The following POLR3H variants were observed in gnomAD, a reference collection of about 807,000 sequenced individuals.
POLR3H encodes RNA polymerase III subunit H, also known as DNA-directed RNA polymerase III subunit RPC8.
Under a neutral mutation model 25.5 loss-of-function variants are expected in POLR3H, and 17 were observed. The observed-to-expected ratio is 0.67, with a 90% CI of 0.46 to 1.00. The LOEUF (loss-of-function observed/expected upper bound fraction) is 1.00. POLR3H is among the 50% of genes least tolerant of loss of function. The pLI is 0.00. For synonymous variants in POLR3H, 129 were observed against 103.0 expected (o/e 1.25, Z -1.53); for missense variants, 274 against 265.0 (o/e 1.03, Z -0.24).
chr22:41,527,825 G>A lies in POLR3H; in HGVS notation c.*1458C>T. 9.9e-6 allele frequency: 16 copies of A among 1,608,442 alleles called. No homozygotes were observed. The highest frequency in any genetic ancestry group is 1.7e-4 in the Middle Eastern group (1 of 6,040). ...AGCAGGATTAGGGGCATCTCCCAGA[G>A]CCCCAGATGGGTTCAGAAAATGAAG... On this transcript the variant is annotated 3_prime_UTR_variant, in exon 6 of 6. Transcript: ENST00000355209.
Position 41,540,758 on chromosome 22 carries a change from TCAAA to T in POLR3H, c.145_148del (p.Phe49IlefsTer32), listed in dbSNP as rs760837242. On this transcript the variant is annotated frameshift_variant, in exon 2 of 6. Transcript: ENST00000355209. LOFTEE classifies it high-confidence loss of function. ...ATAGGCATCCTCCAGTTTGGTGATATCAAACAGACAAATGCAGAGTCCCACGTTG... is the reference window on the plus strand; with the variant it reads ...ATAGGCATCCTCCAGTTTGGTGATATCAGACAAATGCAGAGTCCCACGTTG... The T allele has an allele frequency of 1.9e-6, 3 of 1,613,990 alleles. No homozygotes were observed. The highest frequency in any genetic ancestry group is 1.7e-6 in the Non-Finnish European group (2 of 1,179,994).
chr22:41,541,238 G>C (rs1369500118), intron 1 of POLR3H, among the ~76,000 whole-genome samples: 2 of 152,204 alleles, frequency 1.3e-5, no homozygotes, highest in Admixed American at 6.5e-5. Context: ...TGACAGGAAT[G>C]CTGCCTAAAC....
intron 1 of POLR3H, among the ~76,000 whole-genome samples, chr22:41,543,468 A>T (rs951399264): frequency 2.0e-5 from 3 of 152,020 alleles, no homozygotes; most frequent in African/African-American, 7.2e-5. Context: ...AAATACAAAA[A>T]TTAGCTGGGG....
At position 41,527,273 on chromosome 22, in the gene POLR3H, C is replaced by G; in HGVS notation, c.*2010G>C. ...CCTCCTCTGCCTTATAACCTTACCC[C>G]CGCTTGCCTGACAGAAACATGGCAT... On this transcript the variant is annotated 3_prime_UTR_variant, in exon 6 of 6. Transcript: ENST00000355209. 6.2e-7 allele frequency: 1 copy of G among 1,614,164 alleles called. No homozygotes were observed. The highest frequency in any genetic ancestry group is 1.1e-5 in the South Asian group (1 of 91,088).
chr22:41,529,250 C>A lies in POLR3H; in HGVS notation c.*33G>T. Reference sequence around the variant, plus strand: ...CACAGCCGGCCATACCACCTTCCCGCAGGCTGGTAGGGTCCACTGTCCAGC... The same window carrying A: ...CACAGCCGGCCATACCACCTTCCCGAAGGCTGGTAGGGTCCACTGTCCAGC... On this transcript the variant is annotated 3_prime_UTR_variant, in exon 6 of 6. Transcript: ENST00000355209. 6.3e-7 allele frequency: 1 copy of A among 1,594,284 alleles called. No homozygotes were observed. Among genetic ancestry groups the A allele is most frequent in the Non-Finnish European group, 8.6e-7 (1 of 1,165,362 alleles).
At chr22:41,533,648 C>G (rs28541706) in intron 2 of POLR3H, 1 of 1,304,002 alleles carries the variant, frequency 7.7e-7, no homozygotes, top group Non-Finnish European at 1.0e-6. Context: ...ACCCTGGCAT[C>G]AGCAGGGCAT....
chr22:41,527,672 T>C lies in POLR3H; in HGVS notation c.*1611A>G. The C allele has an allele frequency of 1.3e-6, 1 of 796,328 alleles. No individual in the cohort carries two copies. Among genetic ancestry groups the C allele is most frequent in the South Asian group, 1.8e-5 (1 of 54,652 alleles). 49.3% of individuals were successfully genotyped at this position (796,328 alleles called of 1,614,324 possible). A position where few individuals can be genotyped will look rare whatever the true frequency, so the allele number is the denominator to read the frequency against. On this transcript the variant is annotated 3_prime_UTR_variant, in exon 6 of 6. Coordinates refer to ENST00000355209, the MANE Select transcript of POLR3H (RefSeq NM_001018050.4). ...TCTAGGACATGTGCCAGGGGGTTCT[T>C]TCTGATCATGAATGTGCAGCAGGAA...
chr22:41,535,162 A>C (rs2066821222), intron 2 of POLR3H, among the ~76,000 whole-genome samples: 1 of 152,234 alleles, frequency 6.6e-6, no homozygotes, highest in Non-Finnish European at 1.5e-5. Context: ...TTCTTCCACC[A>C]GGAACTATAT....
At chr22:41,529,956 C>T (rs185702748) in intron 5 of POLR3H, among the ~76,000 whole-genome samples, 37 of 152,002 alleles carry the variant, frequency 2.4e-4, no homozygotes, top group African/African-American at 4.6e-4. Flanking sequence ...GGGGTTTCAC[C>T]GTGTTAGCCA....
chr22:41,528,147 T>C lies in POLR3H; in HGVS notation c.*1136A>G. ...TTCCAGCTGGAAAGGCCCCCAGTTC[T>C]CCAGGTGGCCCCACAGAGAAAGCAA... On this transcript the variant is annotated 3_prime_UTR_variant, in exon 6 of 6. Transcript: ENST00000355209. 7.0e-7 allele frequency: 1 copy of C among 1,430,658 alleles called. No individual in the cohort carries two copies. Among genetic ancestry groups the C allele is most frequent in the Admixed American group, 2.1e-5 (1 of 47,472 alleles). 88.6% of individuals were successfully genotyped at this position (1,430,658 alleles called of 1,614,324 possible).
At chr22:41,530,627 C>T in intron 5 of POLR3H, 60 bp downstream of exon 5, 3 of 1,480,518 alleles carry the variant, frequency 2.0e-6, no homozygotes, top group Admixed American at 1.9e-5. Flanking sequence ...ACACAGCTTC[C>T]AGCCCTGCAC....
At position 41,544,352 on chromosome 22, in the gene POLR3H, G is replaced by GCCACGCCACGCCACT. The variant is rs1470906609; in HGVS notation, c.-266_-252dup. 2.9e-3 allele frequency: 1,065 copies of GCCACGCCACGCCACT among 369,036 alleles called. 5 individuals are homozygous for GCCACGCCACGCCACT. The highest frequency in any genetic ancestry group is 3.8e-3 in the Non-Finnish European group (791 of 205,620). The allele number at this position is 369,036 out of a possible 1,614,324, so 22.9% of individuals were successfully genotyped here. A position where few individuals can be genotyped will look rare whatever the true frequency, so the allele number is the denominator to read the frequency against. ...GTGCGCGCCCGCGCCGCGAGACCCCGCCACGCCACGCCACTCCACGCCACG... is the reference window on the plus strand; with the variant it reads ...GTGCGCGCCCGCGCCGCGAGACCCCGCCACGCCACGCCACTCCACGCCACGCCACTCCACGCCACG... On this transcript the variant is annotated 5_prime_UTR_variant, in exon 1 of 6. Coordinates refer to ENST00000355209, the MANE Select transcript of POLR3H (RefSeq NM_001018050.4).
intron 4 of POLR3H, among the ~76,000 whole-genome samples, chr22:41,531,332 G>A (rs2066729486): frequency 6.6e-6 from 1 of 152,256 alleles, no homozygotes; most frequent in Non-Finnish European, 1.5e-5. Context: ...CTGCCCACTT[G>A]GATGACAGGT....
chr22:41,532,064 T>C (rs557018446), intron 4 of POLR3H, 30 bp downstream of exon 4: 2 of 1,609,998 alleles, frequency 1.2e-6, no homozygotes, highest in Non-Finnish European at 1.7e-6. Context: ...GAGCTCCCTG[T>C]GACAAACCAC....
At chr22:41,529,455 A>T (rs919591115) in intron 5 of POLR3H, 119 bp from the exon 6 acceptor site, 2 of 836,034 alleles carry the variant, frequency 2.4e-6, no homozygotes, top group Non-Finnish European at 3.9e-6. Context: ...GGCACACGGC[A>T]GCCAAGAGGC....
Position 41,528,087 on chromosome 22 carries a change from A to G in POLR3H, c.*1196T>C. The stretch of plus-strand genomic sequence containing the variant: ...GCAGCCACCTTGTTTCCCCTCCTGC[A>G]CTGGCCCCAGGGTAGCTTCTCCCAG... On this transcript the variant is annotated 3_prime_UTR_variant, in exon 6 of 6. Coordinates refer to ENST00000355209, the MANE Select transcript of POLR3H (RefSeq NM_001018050.4). The G allele has an allele frequency of 6.2e-7, 1 of 1,608,146 alleles. No homozygotes were observed. Among genetic ancestry groups the G allele is most frequent in the Non-Finnish European group, 8.5e-7 (1 of 1,177,544 alleles).
Position 41,530,766 on chromosome 22 carries a change from G to T in POLR3H, c.482C>A (p.Ser161Tyr). Reference protein sequence around the residue: ...RVVDESFVDTSPTGPSSADAT... With the variant: ...RVVDESFVDTYPTGPSSADAT... ...ATCTGCTGAGCTGGGCCCTGTGGGG[G>T]ACGTGTCAACAAAGCTCTCGTCCAC... is the stretch of plus-strand genomic sequence containing the variant. The change falls in exon 5 of 6, where the codon TCC becomes TAC. Residue 161 changes from serine to tyrosine, a missense_variant. Physicochemically the swap from Ser to Tyr is moderately radical, Grantham distance 144. Coordinates refer to ENST00000355209, the MANE Select transcript of POLR3H (RefSeq NM_001018050.4). 6.2e-7 allele frequency: 1 copy of T among 1,614,052 alleles called. No homozygotes were observed. Among genetic ancestry groups the T allele is most frequent in the Non-Finnish European group, 8.5e-7 (1 of 1,180,038 alleles).
chr22:41,543,292 T>C (rs1471642711), intron 1 of POLR3H, among the ~76,000 whole-genome samples: 2 of 152,164 alleles, frequency 1.3e-5, no homozygotes, highest in Non-Finnish European at 2.9e-5. Context: ...ATGAACCTCC[T>C]GACAGTTAAT....
At chr22:41,535,140 A>G (rs1478469936) in intron 2 of POLR3H, among the ~76,000 whole-genome samples, 2 of 152,138 alleles carry the variant, frequency 1.3e-5, no homozygotes, top group African/African-American at 4.8e-5. Context: ...CTGCCTCATA[A>G]TCGGTGTTGA....
Sources: gnomAD v4.1 joint callset for allele counts (sites outside exome capture counted in the v4.1 genomes callset) on GRCh38, gnomAD v4.1.1 for gene constraint, MANE v1.5 for transcripts, NCBI Gene and HGNC (gene_info 2026-07-23, HGNC 2026-07-21) for gene names.